Variants in ERAP1 observed in about 807,000 individuals in gnomAD.
ERAP1 encodes the protein adipocyte-derived leucine aminopeptidase.
ERAP1 carries 86 observed loss-of-function variants against 103.7 expected under a neutral mutation model. The ratio of observed to expected loss-of-function variants is 0.83; its 90% CI spans 0.70 to 0.99. The LOEUF (loss-of-function observed/expected upper bound fraction) is 0.99. Ranked by LOEUF, ERAP1 falls within the 50% of genes least tolerant of loss-of-function variation. The pLI is 0.00. For synonymous variants in ERAP1, 398 were observed against 402.4 expected (o/e 0.99, Z 0.13); for missense variants, 1,009 against 1,128.4 (o/e 0.89, Z 1.52).
the ERAP1 span, among the ~76,000 whole-genome samples, chr5:96,900,957 G>T: frequency 1.3e-5 from 2 of 152,094 alleles, no homozygotes; most frequent in Non-Finnish European, 2.9e-5. Flanking sequence ...GATCCACGGC[G>T]CCTGGCCCTA....
At chr5:96,886,726 C>G in the ERAP1 span, 1 of 1,548,956 alleles carries the variant, frequency 6.5e-7, no homozygotes, top group Middle Eastern at 1.7e-4. Flanking sequence ...TGAGTACATA[C>G]CTTGTAGCCT....
the ERAP1 span, among the ~76,000 whole-genome samples, chr5:96,873,965 G>A: frequency 6.6e-6 from 1 of 152,130 alleles, no homozygotes; most frequent in Non-Finnish European, 1.5e-5. Flanking sequence ...GAGTGGTACT[G>A]CCTTAGAGCC....
chr5:96,892,561 G>T, the ERAP1 span: 1 of 1,295,914 alleles, frequency 7.7e-7, no homozygotes, highest in South Asian at 1.4e-5. Context: ...CCTCTAGAGG[G>T]GAACTTAGAG....
At chr5:96,790,741 G>T in intron 8 of ERAP1, 98 bp from the exon 9 acceptor site, 1 of 1,116,792 alleles carries the variant, frequency 9.0e-7, no homozygotes, top group Non-Finnish European at 1.3e-6. Context: ...CTTTGAAAAC[G>T]CAACTGCAGG....
the ERAP1 span, among the ~76,000 whole-genome samples, chr5:96,856,914 CCTT>C: frequency 6.6e-6 from 1 of 152,176 alleles, no homozygotes; most frequent in African/African-American, 2.4e-5. Context: ...CCACTTATCC[CCTT>C]CTTCTCTTCT....
chr5:96,859,034 G>A, the ERAP1 span, among the ~76,000 whole-genome samples: 1 of 148,862 alleles, frequency 6.7e-6, no homozygotes, highest in African/African-American at 2.5e-5. Flanking sequence ...TGAAGCTTAT[G>A]TTAGACCAAG....
At chr5:96,910,915 T>C in the ERAP1 span, among the ~76,000 whole-genome samples, 1 of 152,334 alleles carries the variant, frequency 6.6e-6, no homozygotes, top group Non-Finnish European at 1.5e-5. Context: ...AAAACAACCA[T>C]GTGGCCTACC....
chr5:96,931,313 C>G, the ERAP1 span, among the ~76,000 whole-genome samples: 3 of 152,136 alleles, frequency 2.0e-5, no homozygotes, highest in South Asian at 6.2e-4. Context: ...CAGACCACCA[C>G]GCTTAGCTAA....
At chr5:96,850,156 A>G in the ERAP1 span, among the ~76,000 whole-genome samples, 4 of 152,342 alleles carry the variant, frequency 2.6e-5, no homozygotes, top group Admixed American at 2.6e-4. Context: ...AAAAGAAAAC[A>G]TAAGGGAAAA....
At chr5:96,797,373 T>C in intron 3 of ERAP1, 64 bp from the exon 4 acceptor site, 1 of 1,560,522 alleles carries the variant, frequency 6.4e-7, no homozygotes, top group East Asian at 2.2e-5. Flanking sequence ...ACATGATAAA[T>C]TTCCTAATTA....
chr5:96,823,989 C>T, the ERAP1 span, among the ~76,000 whole-genome samples: 1 of 152,154 alleles, frequency 6.6e-6, no homozygotes, highest in South Asian at 2.1e-4. Flanking sequence ...GACTAATGAG[C>T]CGGTAGTGTA....
downstream of ERAP1, chr5:96,771,788 C>T (rs1228460406): frequency 1.7e-5 from 13 of 768,764 alleles, no homozygotes; most frequent in Non-Finnish European, 2.9e-5. Flanking sequence ...AAGTCCACCT[C>T]TTGAGTAATT....
chr5:96,804,540 C>T lies in ERAP1; in HGVS notation c.-17-597G>A, dbSNP rs565257761. On this transcript the variant is annotated intron_variant, in intron 1 of 18. Coordinates refer to ENST00000443439, the MANE Select transcript of ERAP1 (RefSeq NM_001040458.3). ...TCAGTGTCTTCCTCAAATTGTCATG[C>T]CAAAAGTTAATTACCTATTTATTTA... is the stretch of plus-strand genomic sequence containing the variant. 3.2e-5 allele frequency: 5 copies of T among 155,988 alleles called. 1 individual carries two copies. The South Asian group carries it at 9.6e-4, about 30-fold the overall frequency. 9.7% of individuals were successfully genotyped at this position (155,988 alleles called of 1,614,324 possible).
At chr5:96,811,624 G>T (rs1163460843), upstream of ERAP1, among the ~76,000 whole-genome samples, 1 of 152,204 alleles carries the variant, frequency 6.6e-6, no homozygotes, top group Non-Finnish European at 1.5e-5. Context: ...GATTTAGCCA[G>T]TTGGAGTCAG....
At chr5:96,886,840 C>G in the ERAP1 span, 1 of 1,336,088 alleles carries the variant, frequency 7.5e-7, no homozygotes, top group Non-Finnish European at 9.7e-7. Flanking sequence ...GTCCTGAGAG[C>G]AATGAACTTT....
intron 15 of ERAP1, among the ~76,000 whole-genome samples, 154 bp from the exon 16 acceptor site, chr5:96,782,008 ATTTT>A (rs68114531): frequency 4.2e-4 from 56 of 133,754 alleles, no homozygotes; most frequent in Non-Finnish European, 4.6e-4. Context: ...TTCAGTTACA[ATTTT>A]TTTTTTTTTT....
At chr5:96,796,670 T>C (rs1777377276) in intron 4 of ERAP1, among the ~76,000 whole-genome samples, 1 of 152,212 alleles carries the variant, frequency 6.6e-6, no homozygotes, top group African/African-American at 2.4e-5. Flanking sequence ...TCTCTCCACG[T>C]TGTTGTTATT....
At chr5:96,850,776 TA>T in the ERAP1 span, among the ~76,000 whole-genome samples, 1 of 152,086 alleles carries the variant, frequency 6.6e-6, no homozygotes, top group African/African-American at 2.4e-5. Context: ...AAATAACTTT[TA>T]AAAAAAGATT....
chr5:96,900,972 G>C, the ERAP1 span, among the ~76,000 whole-genome samples: 1 of 152,124 alleles, frequency 6.6e-6, no homozygotes, highest in Non-Finnish European at 1.5e-5. Flanking sequence ...GCCCTAAATT[G>C]TGTTTTCTAA....
Sources: gnomAD v4.1 joint callset for allele counts (sites outside exome capture counted in the v4.1 genomes callset) on GRCh38, gnomAD v4.1.1 for gene constraint, MANE v1.5 for transcripts, NCBI Gene and HGNC (gene_info 2026-07-23, HGNC 2026-07-21) for gene names.